SAMMSON: variants seen among roughly 807,000 people sequenced by gnomAD.
The protein encoded by SAMMSON is long intergenic non-protein coding RNA 1212.
chr3:70,013,397 T>C (rs1242803691), intron 2 of SAMMSON: 1 of 152,148 alleles, frequency 6.6e-6, no homozygotes, highest in Admixed American at 6.5e-5. Flanking sequence ...TTATAGTCAG[T>C]CATGTTGCTT....
At chr3:70,052,367 C>T (rs2067149544) in intron 3 of SAMMSON, among the ~76,000 whole-genome samples, 1 of 152,038 alleles carries the variant, frequency 6.6e-6, no homozygotes. Flanking sequence ...TCTCCTTGAG[C>T]AAAAGCCACC....
At chr3:70,245,196 T>G (rs1701695430) in intron 4 of SAMMSON, among the ~76,000 whole-genome samples, 1 of 152,168 alleles carries the variant, frequency 6.6e-6, no homozygotes, top group Admixed American at 6.6e-5. Flanking sequence ...TCTCTTGGCG[T>G]TAAGTCTGCA....
At chr3:70,410,686 T>A (rs1452032237) in intron 2 of SAMMSON, among the ~76,000 whole-genome samples, 1 of 152,172 alleles carries the variant, frequency 6.6e-6, no homozygotes, top group Admixed American at 6.5e-5. Context: ...TACTATCGCT[T>A]AAATTTGATT....
chr3:70,268,676 T>G (rs1701946861), intron 6 of SAMMSON, among the ~76,000 whole-genome samples: 1 of 152,194 alleles, frequency 6.6e-6, no homozygotes, highest in Admixed American at 6.5e-5. Flanking sequence ...TTCTCTCTTC[T>G]TTTGTTTTTG....
intron 6 of SAMMSON, among the ~76,000 whole-genome samples, chr3:70,263,975 G>A (rs374781481): frequency 1.3e-5 from 2 of 152,274 alleles, no homozygotes; most frequent in East Asian, 1.9e-4. Flanking sequence ...GCAGAAGGAT[G>A]ATTCAGGCTC....
In SAMMSON at chr3:70,194,742, T is replaced by C. The variant is rs77173450; in HGVS notation, n.508-54365T>C. On this transcript the variant is annotated intron_variant and non_coding_transcript_variant, in intron 4 of 9. Coordinates refer to ENST00000642114, the Ensembl canonical transcript of SAMMSON. ...AATCTTTGCATAATTTGAGGGTATG[T>C]AGAGTAGAAAGAATAAGGGAATGAT... 7.9e-5 allele frequency among the ~76,000 whole-genome samples: 12 copies of C among 152,292 alleles called. 1 individual carries two copies. The East Asian group carries it at 2.3e-3, about 29-fold the overall frequency.
intron 4 of SAMMSON, chr3:70,125,757 A>G (rs1223147209): frequency 3.0e-6 from 2 of 663,166 alleles, no homozygotes; most frequent in African/African-American, 3.6e-5. Context: ...TGTTCAACAT[A>G]TCCTTTATTT....
At chr3:70,221,295 T>TTAAATGAA (rs112433636) in intron 4 of SAMMSON, among the ~76,000 whole-genome samples, 33 of 152,320 alleles carry the variant, frequency 2.2e-4, no homozygotes, top group African/African-American at 7.9e-4. Context: ...CCTAAGTGCT[T>TTAAATGAA]TAAATGAATT....
intron 4 of SAMMSON, chr3:70,159,519 GT>G (rs2067605622): frequency 6.6e-6 from 1 of 151,956 alleles, no homozygotes; most frequent in African/African-American, 2.4e-5. Flanking sequence ...TATCAGCAGT[GT>G]ACGAGAGTAC....
intron 3 of SAMMSON, chr3:70,014,654 G>T (rs1428511717): frequency 2.0e-5 from 3 of 152,180 alleles, no homozygotes; most frequent in Non-Finnish European, 4.4e-5. Context: ...CACTTATGGA[G>T]AATGTCTTTA....
chr3:70,042,427 T>C (rs2107586818), intron 3 of SAMMSON, among the ~76,000 whole-genome samples: 1 of 152,218 alleles, frequency 6.6e-6, no homozygotes, highest in East Asian at 1.9e-4. Context: ...TGCACCAGAC[T>C]TTTGCTGGTG....
At chr3:70,358,174 G>T (rs1702844014) in intron 8 of SAMMSON, 1 of 152,052 alleles carries the variant, frequency 6.6e-6, no homozygotes, top group Non-Finnish European at 1.5e-5. Context: ...ATACGTATTT[G>T]AAACTTACTG....
At position 70,423,877 on chromosome 3, in the gene SAMMSON, T is replaced by C. The variant is rs141819834; in HGVS notation, n.234-38683T>C. ...ACAATTTGGAAATGGGCAAAAGAGATTACTAGGTATCTTCAGTGGAGTGTG... is the reference window on the plus strand; with the variant it reads ...ACAATTTGGAAATGGGCAAAAGAGACTACTAGGTATCTTCAGTGGAGTGTG... On this transcript the variant is annotated intron_variant and non_coding_transcript_variant, in intron 2 of 3. Transcript: ENST00000641053. Among the ~76,000 whole-genome samples, 8 of 152,294 alleles carry C rather than the reference T, an allele frequency of 5.3e-5. No individual in the cohort carries two copies. In the East Asian group the frequency reaches 1.5e-3, roughly 29 times the overall value.
intron 6 of SAMMSON, among the ~76,000 whole-genome samples, chr3:70,276,372 T>C (rs1203320577): frequency 6.6e-6 from 1 of 152,202 alleles, no homozygotes; most frequent in African/African-American, 2.4e-5. Flanking sequence ...TCTGGAAATG[T>C]ATGTTAATTC....
intron 2 of SAMMSON, among the ~76,000 whole-genome samples, chr3:70,406,875 C>A (rs977023587): frequency 6.6e-6 from 1 of 152,054 alleles, no homozygotes; most frequent in Non-Finnish European, 1.5e-5. Context: ...AAACATTAAA[C>A]GTAAATAATC....
chr3:70,146,433 A>T (rs966627626), intron 4 of SAMMSON, among the ~76,000 whole-genome samples: 1 of 152,100 alleles, frequency 6.6e-6, no homozygotes, highest in Non-Finnish European at 1.5e-5. Flanking sequence ...TTAGCTAATC[A>T]TATCCAGCAG....
chr3:70,136,666 C>G (rs1313187966), intron 4 of SAMMSON, among the ~76,000 whole-genome samples: 2 of 152,082 alleles, frequency 1.3e-5, no homozygotes, highest in African/African-American at 4.8e-5. Flanking sequence ...TAATAGATAG[C>G]TGGTATAAAC....
chr3:70,309,048 G>T (rs1559560263), intron 7 of SAMMSON, among the ~76,000 whole-genome samples: 1 of 152,136 alleles, frequency 6.6e-6, no homozygotes, highest in African/African-American at 2.4e-5. Context: ...TTGAACAACT[G>T]AAAGTATCTG....
At chr3:70,315,870 A>G (rs542457805) in intron 7 of SAMMSON, among the ~76,000 whole-genome samples, 1 of 152,260 alleles carries the variant, frequency 6.6e-6, no homozygotes, top group African/African-American at 2.4e-5. Context: ...AGAATCCAAG[A>G]AGAGTAAATA....
Sources: allele counts gnomAD v4.1 joint callset (sites outside exome capture counted in the v4.1 genomes callset), GRCh38; gene constraint gnomAD v4.1.1; transcripts MANE v1.5; gene names NCBI Gene and HGNC (gene_info 2026-07-23, HGNC 2026-07-21).